Variants in PSG5 observed in about 807,000 individuals in gnomAD.
The protein encoded by PSG5 is pregnancy specific beta-1-glycoprotein 5, also known as pregnancy-specific beta-1-glycoprotein 5.
A neutral mutation model predicts 37.7 loss-of-function variants in PSG5; 53 were observed. The ratio of observed to expected loss-of-function variants is 1.41; its 90% CI spans 1.13 to 1.77. PSG5 has a LOEUF of 1.77. Ranked by LOEUF, PSG5 falls within the 40% of genes most tolerant of loss-of-function variation. PSG5 has a pLI of 0.00. For missense variants in PSG5, 547 were observed against 405.2 expected (o/e 1.35, Z -3.00); for synonymous variants, 221 against 155.4 (o/e 1.42, Z -3.14).
At chr19:43,179,278 G>A in intron 2 of PSG5, 5 of 1,308,718 alleles carry the variant, frequency 3.8e-6, no homozygotes, top group Non-Finnish European at 5.3e-6. Context: ...AAAGCCCATG[G>A]CAGGTGTGTG....
intron 2 of PSG5, among the ~76,000 whole-genome samples, chr19:43,184,079 C>T (rs1969190356): frequency 6.6e-6 from 1 of 151,724 alleles, no homozygotes; most frequent in African/African-American, 2.4e-5. Flanking sequence ...TACATCTTCT[C>T]CCTTCTGTTT....
rs1968820241 is a variant in PSG5 at position 43,167,862 on chromosome 19, ATACTT to A, written c.*377_*381del. 3.0e-6 allele frequency: 1 copy of A among 333,048 alleles called. No individual in the cohort carries two copies. The highest frequency in any genetic ancestry group is 5.6e-6 in the Non-Finnish European group (1 of 179,828). The allele number at this position is 333,048 out of a possible 1,614,324, so 20.6% of individuals were successfully genotyped here. A position where few individuals can be genotyped will look rare whatever the true frequency, so the allele number is the denominator to read the frequency against. ...TGTTTCAATTTTTGTTTACAAAAGT[ATACTT>A]TACCAATTGCTCAAGAAAAAAAGTT... On this transcript the variant is annotated 3_prime_UTR_variant, in exon 6 of 6. Transcript: ENST00000342951.
rs190423647 is a variant in PSG5, at chr19:43,183,335, A to G, written c.430+1447T>C. On this transcript the variant is annotated intron_variant, in intron 2 of 5. Coordinates refer to ENST00000342951, the MANE Select transcript of PSG5 (RefSeq NM_002781.4). ...AAGGACAAGGGACAGGTGTGGCTAG[A>G]ACCTCCTAGGATTCTGCATCCAACA... The G allele has an allele frequency of 1.9e-3, 924 of 489,360 alleles. 13 individuals carry two copies. Among genetic ancestry groups the G allele is most frequent in the African/African-American group, 0.017 (843 of 50,428 alleles). The allele number at this position is 489,360 out of a possible 1,614,324, so 30.3% of individuals were successfully genotyped here.
At chr19:43,174,956 C>G in intron 4 of PSG5, 1 of 1,345,680 alleles carries the variant, frequency 7.4e-7, no homozygotes. Context: ...GAAGCCTCCT[C>G]TACCACATAG....
chr19:43,167,764 A>G lies in PSG5; in HGVS notation c.*480T>C, dbSNP rs954870856. On this transcript the variant is annotated 3_prime_UTR_variant, in exon 6 of 6. Coordinates refer to ENST00000342951, the MANE Select transcript of PSG5 (RefSeq NM_002781.4). ...TTACTGAACTTGTGCAGATAACTTT[A>G]TTACCATAAACATATGAATACTCAT... 53 of 183,258 alleles carry G rather than the reference A, an allele frequency of 2.9e-4. No homozygotes were observed. Among genetic ancestry groups the G allele is most frequent in the African/African-American group, 1.2e-3 (50 of 42,696 alleles). 11.4% of individuals were successfully genotyped at this position (183,258 alleles called of 1,614,324 possible).
At position 43,169,230 on chromosome 19, in the gene PSG5, C is replaced by T. The variant is rs574792115; in HGVS notation, c.*40+825G>A. 3.3e-5 allele frequency among the ~76,000 whole-genome samples: 5 copies of T among 151,724 alleles called. No individual in the cohort carries two copies. In the South Asian group the frequency reaches 1.0e-3, roughly 31 times the overall value. ...GGCTTTATGTCTCCTGGGGTAGGGA[C>T]CTTGCCTTCTTCATTTCTGTATGTT... On this transcript the variant is annotated intron_variant, in intron 5 of 5. Transcript: ENST00000342951.
rs1380084148 is a variant in PSG5, at chr19:43,175,624, T to A, written c.710-155A>T. 9.2e-6 allele frequency: 13 copies of A among 1,410,500 alleles called. No homozygotes were observed. In the East Asian group the frequency reaches 3.0e-4, roughly 32 times the overall value. 87.4% of individuals were successfully genotyped at this position (1,410,500 alleles called of 1,614,324 possible). A position where few individuals can be genotyped will look rare whatever the true frequency, so the allele number is the denominator to read the frequency against. On this transcript the variant is annotated intron_variant, in intron 3 of 5. Coordinates refer to ENST00000342951, the MANE Select transcript of PSG5 (RefSeq NM_002781.4). ...TTCACTGAGCCAAAGCCTGAGGTAT[T>A]CACCTGTTTCTCCCATCACAAGCTA...
At chr19:43,179,487 G>T (rs995466433) in intron 2 of PSG5, among the ~76,000 whole-genome samples, 1 of 151,686 alleles carries the variant, frequency 6.6e-6, no homozygotes, top group Non-Finnish European at 1.5e-5. Flanking sequence ...CCACCTTGTG[G>T]TCCTCACTTG....
At chr19:43,182,037 C>G (rs955523012) in intron 2 of PSG5, among the ~76,000 whole-genome samples, 8 of 151,726 alleles carry the variant, frequency 5.3e-5, no homozygotes, top group African/African-American at 1.5e-4. Context: ...AGTAGCATGT[C>G]TGACTCCATC....
Position 43,184,834 on chromosome 19 carries a change from C to T in PSG5, c.378G>A (p.Lys126=), listed in dbSNP as rs1174390706. ...TTACTCCTCTAGTCCTATCACCTCGCTTTATGATGTGTAAGGTGTAGGATC... is the reference window on the plus strand; with the variant it reads ...TTACTCCTCTAGTCCTATCACCTCGTTTTATGATGTGTAAGGTGTAGGATC... The part of the protein sequence containing the change: ...DAGSYTLHII[K]RGDRTRGVTG... Residue 126 remains lysine, a synonymous_variant, in exon 2 of 6, where the codon AAG becomes AAA. Transcript: ENST00000342951. 3.7e-6 allele frequency: 6 copies of T among 1,612,278 alleles called. No homozygotes were observed. Among genetic ancestry groups the T allele is most frequent in the African/African-American group, 1.3e-5 (1 of 74,452 alleles).
chr19:43,181,070 T>C (rs1409556720), intron 2 of PSG5, among the ~76,000 whole-genome samples: 2 of 151,576 alleles, frequency 1.3e-5, no homozygotes, highest in East Asian at 3.9e-4. Context: ...GAGATGCCAA[T>C]GGCTCGTGTG....
intron 1 of PSG5, among the ~76,000 whole-genome samples, chr19:43,185,552 T>A (rs1300623245): frequency 6.6e-6 from 1 of 150,590 alleles, no homozygotes; most frequent in Non-Finnish European, 1.5e-5. Context: ...CTCTGCTCCC[T>A]CCAGGGTTCT....
At chr19:43,182,121 A>G (rs949725582) in intron 2 of PSG5, among the ~76,000 whole-genome samples, 69 of 151,798 alleles carry the variant, frequency 4.5e-4, no homozygotes, top group African/African-American at 1.5e-3. Flanking sequence ...GAGGAATTTA[A>G]TTTATGGTTT....
At chr19:43,174,792 A>G in intron 4 of PSG5, 1 of 1,182,086 alleles carries the variant, frequency 8.5e-7, no homozygotes, top group Non-Finnish European at 1.1e-6. Context: ...TCCTCGTCTC[A>G]TTTGGGGGAA....
chr19:43,172,872 C>T (rs149517958), intron 4 of PSG5, among the ~76,000 whole-genome samples: 3 of 151,412 alleles, frequency 2.0e-5, no homozygotes, highest in Non-Finnish European at 4.4e-5. Flanking sequence ...CAGAAAAAGA[C>T]AAATCTGTCC....
At chr19:43,178,887 T>C in intron 2 of PSG5, 14 of 1,612,830 alleles carry the variant, frequency 8.7e-6, no homozygotes, top group Non-Finnish European at 1.2e-5. Flanking sequence ...ACGGAGGAGA[T>C]TCAGGGTGAC....
At chr19:43,171,547 A>G in intron 4 of PSG5, 1 of 368,764 alleles carries the variant, frequency 2.7e-6, no homozygotes, top group Non-Finnish European at 4.8e-6. Flanking sequence ...AAAATGGAGA[A>G]TGGAAAAAGA....
chr19:43,174,783 C>G, intron 4 of PSG5: 1 of 1,177,354 alleles, frequency 8.5e-7, no homozygotes, highest in South Asian at 3.3e-5. Flanking sequence ...CAAGGGGCTT[C>G]CTCGTCTCAT....
rs777049194 is a variant in PSG5 at position 43,175,771 on chromosome 19, G to T, written c.709+99C>A. ...CCAGCTCAGATGTCCAGAAATAAAGGTGTCTATACTTGGACCGGAGAAAGA... is the reference window on the plus strand; with the variant it reads ...CCAGCTCAGATGTCCAGAAATAAAGTTGTCTATACTTGGACCGGAGAAAGA... On this transcript the variant is annotated intron_variant, in intron 3 of 5. Coordinates refer to ENST00000342951, the MANE Select transcript of PSG5 (RefSeq NM_002781.4). 14 of 1,563,176 alleles carry T rather than the reference G, an allele frequency of 9.0e-6. 1 individual carries two copies. Among genetic ancestry groups the T allele is most frequent in the South Asian group, 7.3e-5 (6 of 82,262 alleles).
Sources: allele counts gnomAD v4.1 joint callset (sites outside exome capture counted in the v4.1 genomes callset), GRCh38; gene constraint gnomAD v4.1.1; transcripts MANE v1.5; gene names NCBI Gene and HGNC (gene_info 2026-07-23, HGNC 2026-07-21).